RANBP2: variants seen among roughly 807,000 people sequenced by gnomAD.
RANBP2 encodes E3 SUMO-protein ligase RanBP2.
Under a neutral mutation model 303.6 loss-of-function variants are expected in RANBP2, and 57 were observed. That is an observed-to-expected ratio of 0.19 (90% CI 0.15 to 0.23). The LOEUF (loss-of-function observed/expected upper bound fraction) is 0.23. Ranked by LOEUF, RANBP2 falls within the 10% of genes least tolerant of loss-of-function variation. The probability of loss-of-function intolerance (pLI) is 1.00; values close to 1 mark genes in which losing one functional copy is unlikely to be tolerated. For synonymous variants in RANBP2, 1,167 were observed against 1,301.5 expected, an observed-to-expected ratio of 0.90 and a Z score of 2.23; for missense variants, 3,138 against 3,780.8, an observed-to-expected ratio of 0.83 and a Z score of 4.46.
chr2:109,654,738 C>T, the RANBP2 span, among the ~76,000 whole-genome samples: 3,787 of 152,180 alleles, frequency 0.025, 65 homozygotes, highest in Non-Finnish European at 0.039. Context: ...CAGTTAGGAA[C>T]CAATCAGGGC....
At chr2:109,221,755 G>T in the RANBP2 span, among the ~76,000 whole-genome samples, 1 of 152,090 alleles carries the variant, frequency 6.6e-6, no homozygotes, top group Non-Finnish European at 1.5e-5. Flanking sequence ...TATACTATTG[G>T]TGGGAACATA....
chr2:109,652,759 A>C, the RANBP2 span, among the ~76,000 whole-genome samples: 1 of 152,312 alleles, frequency 6.6e-6, no homozygotes, highest in African/African-American at 2.4e-5. Flanking sequence ...GGTTTCTCAA[A>C]AGCATAAATT....
chr2:109,676,271 A>G, the RANBP2 span, among the ~76,000 whole-genome samples: 1 of 152,170 alleles, frequency 6.6e-6, no homozygotes, highest in Non-Finnish European at 1.5e-5. Flanking sequence ...GCTCTCCGTT[A>G]GCACCTCCAT....
At chr2:108,946,904 T>TC in the RANBP2 span, among the ~76,000 whole-genome samples, 2 of 151,874 alleles carry the variant, frequency 1.3e-5, no homozygotes, top group East Asian at 1.9e-4. Context: ...ATCTTTTTTT[T>TC]CACATTTCAA....
At chr2:109,277,054 G>T in the RANBP2 span, among the ~76,000 whole-genome samples, 2 of 152,210 alleles carry the variant, frequency 1.3e-5, no homozygotes, top group African/African-American at 4.8e-5. Context: ...ACCATGCTCT[G>T]TGCTGGGATA....
chr2:109,311,481 A>G, the RANBP2 span, among the ~76,000 whole-genome samples: 1 of 149,444 alleles, frequency 6.7e-6, no homozygotes, highest in Non-Finnish European at 1.5e-5. Context: ...TAGTGTTGGA[A>G]GTTCTGGCCA....
chr2:109,195,164 C>G, the RANBP2 span, among the ~76,000 whole-genome samples: 1 of 152,054 alleles, frequency 6.6e-6, no homozygotes, highest in Non-Finnish European at 1.5e-5. Context: ...CAATTTGGTT[C>G]TCTCTGAAGT....
At chr2:109,157,259 T>G in the RANBP2 span, among the ~76,000 whole-genome samples, 1 of 152,204 alleles carries the variant, frequency 6.6e-6, no homozygotes, top group Admixed American at 6.5e-5. Context: ...AAACTTGCAG[T>G]CAGGCCAGCA....
the RANBP2 span, among the ~76,000 whole-genome samples, chr2:108,905,590 C>G: frequency 6.6e-6 from 1 of 152,082 alleles, no homozygotes; most frequent in South Asian, 2.1e-4. Context: ...GCACCAGGCT[C>G]CACTCCCGCT....
At chr2:109,489,248 G>A in the RANBP2 span, among the ~76,000 whole-genome samples, 1 of 152,266 alleles carries the variant, frequency 6.6e-6, no homozygotes, top group Admixed American at 6.5e-5. Context: ...CACCAAGGGT[G>A]ATGGGGATGG....
the RANBP2 span, among the ~76,000 whole-genome samples, chr2:109,100,785 A>G: frequency 6.6e-6 from 1 of 152,040 alleles, no homozygotes; most frequent in Non-Finnish European, 1.5e-5. Context: ...ACTTCCAGGG[A>G]AAAAAAAGAA....
chr2:109,192,860 T>C, the RANBP2 span, among the ~76,000 whole-genome samples: 1 of 152,222 alleles, frequency 6.6e-6, no homozygotes, highest in Non-Finnish European at 1.5e-5. Flanking sequence ...TGCACCTGTT[T>C]CTGTGCACTG....
the RANBP2 span, among the ~76,000 whole-genome samples, chr2:109,186,978 C>G: frequency 1.0e-3 from 156 of 152,282 alleles, 1 homozygote; most frequent in African/African-American, 3.6e-3. Flanking sequence ...AACCTGTGCC[C>G]CTAGAAGTTT....
chr2:109,112,874 C>T, the RANBP2 span, among the ~76,000 whole-genome samples: 1 of 152,142 alleles, frequency 6.6e-6, no homozygotes, highest in Non-Finnish European at 1.5e-5. Flanking sequence ...TTCCCAGCAC[C>T]ATTTATTAAA....
the RANBP2 span, among the ~76,000 whole-genome samples, chr2:108,848,007 G>A: frequency 6.6e-6 from 1 of 151,928 alleles, no homozygotes; most frequent in Admixed American, 6.6e-5. Flanking sequence ...ATACACACAC[G>A]CTTACATACC....
chr2:108,825,345 G>A, the RANBP2 span, among the ~76,000 whole-genome samples: 7 of 151,886 alleles, frequency 4.6e-5, no homozygotes, highest in African/African-American at 1.7e-4. Flanking sequence ...CATTTTAACT[G>A]TGCAATTCAG....
chr2:108,912,572 G>A, the RANBP2 span: 6 of 1,103,878 alleles, frequency 5.4e-6, no homozygotes, highest in Non-Finnish European at 8.0e-6. Flanking sequence ...GGCCAGGTGG[G>A]GAAGCGCACC....
At chr2:109,628,976 G>A in the RANBP2 span, among the ~76,000 whole-genome samples, 4 of 151,980 alleles carry the variant, frequency 2.6e-5, no homozygotes, top group Non-Finnish European at 4.4e-5. Context: ...GGCTGAAGTG[G>A]GTGGATCACC....
chr2:109,720,422 A>G, the RANBP2 span, among the ~76,000 whole-genome samples: 19 of 152,124 alleles, frequency 1.2e-4, no homozygotes, highest in Non-Finnish European at 2.6e-4. Flanking sequence ...CTTTAAAAAA[A>G]ATGGCAACGT....
Sources: gnomAD v4.1 joint callset for allele counts (sites outside exome capture counted in the v4.1 genomes callset) on GRCh38, gnomAD v4.1.1 for gene constraint, MANE v1.5 for transcripts, NCBI Gene and HGNC (gene_info 2026-07-23, HGNC 2026-07-21) for gene names.